Variants in NFAM1 observed in about 807,000 individuals in gnomAD.
NFAM1 encodes NFAT activating protein with ITAM motif 1.
In NFAM1, 17 loss-of-function variants were observed where a neutral mutation model predicts 29.0. The observed-to-expected ratio is 0.59, with a 90% CI of 0.40 to 0.88. The LOEUF (loss-of-function observed/expected upper bound fraction) is 0.88, where lower values mean the gene tolerates loss of function less well. NFAM1 is among the 40% of genes least tolerant of loss of function. The probability of loss-of-function intolerance (pLI) is 0.00; values close to 1 mark genes in which losing one functional copy is unlikely to be tolerated. For synonymous variants in NFAM1, 175 were observed against 147.2 expected, an observed-to-expected ratio of 1.19 and a Z score of -1.36; for missense variants, 324 against 344.6, an observed-to-expected ratio of 0.94 and a Z score of 0.47.
At position 42,418,688 on chromosome 22, in the gene NFAM1, GT is replaced by G. The variant is rs555827191; in HGVS notation, c.122-6953del. On this transcript the variant is annotated intron_variant, in intron 1 of 5. Transcript: ENST00000329021. The stretch of plus-strand genomic sequence containing the variant: ...AGCCTGGGTGACAAGAGCTATCTCT[GT>G]TTTTTTTTTTTTTAAAAGGCAAATG... Among the ~76,000 whole-genome samples the G allele has an allele frequency of 4.0e-3, 584 of 144,590 alleles. 1 individual carries two copies. Among genetic ancestry groups the G allele is most frequent in the African/African-American group, 9.4e-3 (375 of 39,796 alleles). 94.9% of individuals were successfully genotyped at this position (144,590 alleles called of 152,430 possible). A position where few individuals can be genotyped will look rare whatever the true frequency, so the allele number is the denominator to read the frequency against.
intron 1 of NFAM1, among the ~76,000 whole-genome samples, chr22:42,426,986 G>C (rs564434004): frequency 2.0e-5 from 3 of 152,200 alleles, no homozygotes; most frequent in East Asian, 1.9e-4. Context: ...CAGGCGGGGG[G>C]GCTCGTGGAG....
rs566681321 is a variant in NFAM1 at position 42,396,406 on chromosome 22, TG to T, written c.663+1451del. Among the ~76,000 whole-genome samples, 1,473 of 152,320 alleles carry T rather than the reference TG, an allele frequency of 9.7e-3. 15 individuals carry two copies. Among genetic ancestry groups the T allele is most frequent in the Non-Finnish European group, 0.015 (1,023 of 68,022 alleles). ...TTGTATATATTTATAGAAAAAATAC[TG>T]GAAAATATATTAGTCAATGTTCTTA... On this transcript the variant is annotated intron_variant, in intron 4 of 5. Transcript: ENST00000329021.
At chr22:42,411,279 C>T in intron 2 of NFAM1, 128 bp downstream of exon 2, 1 of 705,580 alleles carries the variant, frequency 1.4e-6, no homozygotes, top group Non-Finnish European at 2.4e-6. Context: ...CCGCCTCAGC[C>T]TCCCAAAGTG....
intron 2 of NFAM1, 42 bp downstream of exon 2, chr22:42,411,363 CCT>C (rs772689561): frequency 4.0e-6 from 6 of 1,484,380 alleles, no homozygotes; most frequent in Non-Finnish European, 5.6e-6. Flanking sequence ...CCATTTGAAA[CCT>C]CTGTGTCCTT....
intron 3 of NFAM1, among the ~76,000 whole-genome samples, chr22:42,399,081 G>A (rs1929632876): frequency 6.6e-6 from 1 of 152,166 alleles, no homozygotes; most frequent in South Asian, 2.1e-4. Context: ...GCAAAAGAGG[G>A]AGGAGGGAGC....
intron 3 of NFAM1, among the ~76,000 whole-genome samples, chr22:42,404,790 G>A (rs1250247128): frequency 6.6e-6 from 1 of 151,266 alleles, no homozygotes; most frequent in Non-Finnish European, 1.5e-5. Context: ...GAGAGGCGGA[G>A]GTGCAGTGAG....
chr22:42,415,485 G>A (rs139778128), intron 1 of NFAM1, among the ~76,000 whole-genome samples: 3 of 151,932 alleles, frequency 2.0e-5, no homozygotes, highest in African/African-American at 7.3e-5. Context: ...ATTTTTAGTA[G>A]AGACGGGGTT....
chr22:42,411,657 G>A lies in NFAM1; in HGVS notation c.201C>T (p.Ile67=), dbSNP rs1930096513. ...TGAATTGGGGAGTGTATGGATAGGT[G>A]ATCCTGCAGCTGAAGGAGATAGCTG... is the stretch of plus-strand genomic sequence containing the variant. ...ANTAISFSCR[I]TYPYTPQFKV... Residue 67 remains isoleucine, a synonymous_variant, in exon 2 of 6, where the codon ATC becomes ATT. Transcript: ENST00000329021. 1 of 1,614,032 alleles carries A rather than the reference G, an allele frequency of 6.2e-7. No individual in the cohort carries two copies. The highest frequency in any genetic ancestry group is 1.1e-5 in the South Asian group (1 of 91,082).
intron 1 of NFAM1, among the ~76,000 whole-genome samples, chr22:42,423,757 G>T (rs1253240475): frequency 1.4e-5 from 2 of 146,068 alleles, no homozygotes; most frequent in African/African-American, 2.6e-5. Context: ...GTCTCACCTT[G>T]TTGCCCAGGC....
intron 1 of NFAM1, among the ~76,000 whole-genome samples, chr22:42,418,091 A>T (rs1215179255): frequency 6.6e-6 from 1 of 152,158 alleles, no homozygotes; most frequent in Non-Finnish European, 1.5e-5. Context: ...CCACACTGTG[A>T]GGAAGCCTTG....
Position 42,407,602 on chromosome 22 carries a change from C to G in NFAM1, c.564+1833G>C, listed in dbSNP as rs1048728543. Among the ~76,000 whole-genome samples the G allele has an allele frequency of 5.3e-5, 8 of 151,216 alleles. No individual in the cohort carries two copies. The East Asian group carries it at 1.6e-3, about 30-fold the overall frequency. On this transcript the variant is annotated intron_variant, in intron 3 of 5. Transcript: ENST00000329021. ...GTCAGGCTGGTCTCAAACTTTCTTT[C>G]TTTTTTGAGATGGTCTCCCTCTGTC...
At chr22:42,397,066 C>A (rs1422881460) in intron 4 of NFAM1, among the ~76,000 whole-genome samples, 1 of 152,242 alleles carries the variant, frequency 6.6e-6, no homozygotes, top group Non-Finnish European at 1.5e-5. Flanking sequence ...CCCCAGCTGG[C>A]ACTGGGTGGC....
rs1226916904 is a variant in NFAM1 at position 42,385,157 on chromosome 22, C to A, written c.*4G>T. 9.3e-6 allele frequency: 15 copies of A among 1,610,116 alleles called. No homozygotes were observed. Among genetic ancestry groups the A allele is most frequent in the Non-Finnish European group, 1.3e-5 (15 of 1,176,540 alleles). ...GGCAAGCTCTATGAGCGGTGGAGCC[C>A]ATCCTAGAGATTTTCATAGACCAGG... On this transcript the variant is annotated 3_prime_UTR_variant, in exon 6 of 6. Transcript: ENST00000329021.
intron 5 of NFAM1, among the ~76,000 whole-genome samples, chr22:42,386,530 A>G (rs1929152398): frequency 6.6e-6 from 1 of 152,100 alleles, no homozygotes; most frequent in Admixed American, 6.5e-5. Flanking sequence ...AGCTTCTACC[A>G]GCTCACACTC....
At chr22:42,433,608 A>G (rs1930872143), upstream of NFAM1, among the ~76,000 whole-genome samples, 1 of 152,198 alleles carries the variant, frequency 6.6e-6, no homozygotes, top group Non-Finnish European at 1.5e-5. Flanking sequence ...GGGCTGCTCC[A>G]AACATGAACA....
chr22:42,402,452 AC>A (rs1328005573), intron 3 of NFAM1, among the ~76,000 whole-genome samples: 4 of 152,182 alleles, frequency 2.6e-5, no homozygotes, highest in Non-Finnish European at 5.9e-5. Context: ...CTGCAGGAGC[AC>A]ACACAGAGCG....
At chr22:42,421,025 C>T (rs1164022618) in intron 1 of NFAM1, among the ~76,000 whole-genome samples, 3 of 152,158 alleles carry the variant, frequency 2.0e-5, no homozygotes, top group African/African-American at 4.8e-5. Flanking sequence ...GAGTGACCCC[C>T]GAGCCCTCTA....
chr22:42,426,475 A>G (rs1263839858), intron 1 of NFAM1, among the ~76,000 whole-genome samples: 7 of 152,014 alleles, frequency 4.6e-5, no homozygotes, highest in Non-Finnish European at 1.5e-5. Context: ...CATCAAATAG[A>G]CCCTCAGCAG....
chr22:42,409,000 G>A (rs545559360), intron 3 of NFAM1, among the ~76,000 whole-genome samples: 114 of 152,156 alleles, frequency 7.5e-4, no homozygotes, highest in Admixed American at 2.0e-3. Context: ...GTGTGGGAGG[G>A]TTGCTGGAGG....
Sources: gnomAD v4.1 joint callset for allele counts (sites outside exome capture counted in the v4.1 genomes callset) on GRCh38, gnomAD v4.1.1 for gene constraint, MANE v1.5 for transcripts, NCBI Gene and HGNC (gene_info 2026-07-23, HGNC 2026-07-21) for gene names.